The following TPD52 variants were observed in gnomAD, a reference collection of about 807,000 sequenced individuals.
TPD52 encodes the protein prostate and colon associated protein.
Under a neutral mutation model 31.3 loss-of-function variants are expected in TPD52, and 17 were observed. The observed-to-expected ratio is 0.54, with a 90% CI of 0.37 to 0.82. The LOEUF is 0.82. Ranked by LOEUF, TPD52 falls within the 40% of genes least tolerant of loss-of-function variation. TPD52 has a pLI of 0.00. For synonymous variants in TPD52, 83 were observed against 89.6 expected (o/e 0.93, Z 0.42); for missense variants, 212 against 240.1 (o/e 0.88, Z 0.77).
chr8:80,053,391 C>T lies in TPD52; in HGVS notation c.175G>A (p.Ala59Thr). 1 of 1,613,616 alleles carries T rather than the reference C, an allele frequency of 6.2e-7. No homozygotes were observed. Among genetic ancestry groups the T allele is most frequent in the East Asian group, 2.2e-5 (1 of 44,862 alleles). The change falls in exon 3 of 8, where the codon GCA becomes ACA. Residue 59 changes from alanine to threonine, a missense_variant. Coordinates refer to ENST00000518937, the MANE Select transcript of TPD52 (RefSeq NM_001025253.3). ...EIQTLSQVLA[A>T]KEKHLAEIKR... ...ATCTCTGCTAGATGCTTCTCTTTTG[C>T]TGCTAACACTTGAGACAGAGTCTGG...
intron 1 of TPD52, among the ~76,000 whole-genome samples, chr8:80,100,651 G>A (rs560987982): frequency 9.2e-5 from 14 of 152,306 alleles, no homozygotes; most frequent in African/African-American, 2.6e-4. Flanking sequence ...CACAATTATG[G>A]AGGCTAAGTA....
Position 80,104,584 on chromosome 8 carries a change from C to A in TPD52, c.20-39991G>T, listed in dbSNP as rs116599314. 6.5e-3 allele frequency among the ~76,000 whole-genome samples: 956 copies of A among 146,332 alleles called. 8 individuals carry two copies. The highest frequency in any genetic ancestry group is 0.022 in the African/African-American group (866 of 39,770). The stretch of plus-strand genomic sequence containing the variant: ...CTATTTAAAAAAAAAAAAACAACAA[C>A]AAAAAAAACAGAAATGAGAAGTATT... On this transcript the variant is annotated intron_variant, in intron 1 of 7. Coordinates refer to ENST00000518937, the MANE Select transcript of TPD52 (RefSeq NM_001025253.3).
intron 1 of TPD52, among the ~76,000 whole-genome samples, chr8:80,144,557 C>G (rs1437718519): frequency 1.3e-5 from 2 of 152,186 alleles, no homozygotes; most frequent in Non-Finnish European, 2.9e-5. Flanking sequence ...TGAAAGATAA[C>G]AGATAGGTGC....
chr8:80,113,033 C>T (rs551167466), intron 1 of TPD52, among the ~76,000 whole-genome samples: 25 of 152,204 alleles, frequency 1.6e-4, no homozygotes, highest in East Asian at 1.2e-3. Context: ...CAAGTTTTGA[C>T]GGCAACCTGT....
At chr8:80,054,225 T>C (rs1012879060) in intron 2 of TPD52, among the ~76,000 whole-genome samples, 2 of 152,130 alleles carry the variant, frequency 1.3e-5, no homozygotes, top group African/African-American at 2.4e-5. Flanking sequence ...CTGAAAAAAC[T>C]TGAAGAAGCC....
In TPD52 at chr8:80,109,751, A is replaced by G. The variant is rs115403298; in HGVS notation, c.20-45158T>C. On this transcript the variant is annotated intron_variant, in intron 1 of 7. Transcript: ENST00000518937. ...CAAGGATGACTACAGAGAGAAAATTATGTTTCAGAAAGAAACAATAGTACA... is the reference window on the plus strand; with the variant it reads ...CAAGGATGACTACAGAGAGAAAATTGTGTTTCAGAAAGAAACAATAGTACA... Among the ~76,000 whole-genome samples, 824 of 152,334 alleles carry G rather than the reference A, an allele frequency of 5.4e-3. 8 individuals carry two copies. The highest frequency in any genetic ancestry group is 0.019 in the African/African-American group (780 of 41,570).
At chr8:80,041,585 C>T (rs556538914) in intron 7 of TPD52, among the ~76,000 whole-genome samples, 241 of 152,084 alleles carry the variant, frequency 1.6e-3, no homozygotes, top group African/African-American at 5.6e-3. Flanking sequence ...GCCTGTGATC[C>T]TAAGAGTTGA....
At chr8:80,149,726 T>C (rs1009906426) in intron 1 of TPD52, among the ~76,000 whole-genome samples, 3 of 152,232 alleles carry the variant, frequency 2.0e-5, no homozygotes, top group Non-Finnish European at 2.9e-5. Flanking sequence ...ACTCTTGCTG[T>C]GCTTTAGCAA....
chr8:80,033,490 T>C (rs967012058), downstream of TPD52, among the ~76,000 whole-genome samples: 2 of 152,178 alleles, frequency 1.3e-5, no homozygotes, highest in Non-Finnish European at 2.9e-5. Context: ...TATAATGTTA[T>C]AGCAGCTCTG....
At chr8:80,072,417 A>G (rs1813954422) in intron 1 of TPD52, among the ~76,000 whole-genome samples, 1 of 137,814 alleles carries the variant, frequency 7.3e-6, no homozygotes, top group Non-Finnish European at 1.5e-5. Context: ...GCGTGTATAT[A>G]CATGTACACA....
chr8:80,060,507 CT>C (rs2130641589), intron 2 of TPD52, among the ~76,000 whole-genome samples: 1 of 152,198 alleles, frequency 6.6e-6, no homozygotes, highest in African/African-American at 2.4e-5. Flanking sequence ...TCCAACTCAT[CT>C]AAGAAGCCAG....
intron 1 of TPD52, among the ~76,000 whole-genome samples, chr8:80,077,454 G>A (rs1814711665): frequency 6.6e-6 from 1 of 152,080 alleles, no homozygotes. Flanking sequence ...AGATCCAAGT[G>A]GCGTATAAAG....
rs913114698 is a variant in TPD52, at chr8:80,125,566, A to G, written c.19+45859T>C. On this transcript the variant is annotated intron_variant, in intron 1 of 7. Coordinates refer to ENST00000518937, the MANE Select transcript of TPD52 (RefSeq NM_001025253.3). ...CAATTAATTTGGCCTTTTGATTTAA[A>G]AAAAAAAAGAGAGACTACTGCAGTT... is the stretch of plus-strand genomic sequence containing the variant. 5.3e-5 allele frequency among the ~76,000 whole-genome samples: 8 copies of G among 152,180 alleles called. No individual in the cohort carries two copies. In the South Asian group the frequency reaches 1.7e-3, roughly 32 times the overall value.
intron 1 of TPD52, among the ~76,000 whole-genome samples, chr8:80,070,368 G>A (rs1028030506): frequency 3.3e-5 from 5 of 152,082 alleles, no homozygotes; most frequent in South Asian, 2.1e-4. Context: ...ATTCTGAATC[G>A]TTTAAGTCAG....
At chr8:80,043,671 G>GCA (rs1280801564) in intron 6 of TPD52, among the ~76,000 whole-genome samples, 3 of 152,184 alleles carry the variant, frequency 2.0e-5, no homozygotes, top group African/African-American at 7.2e-5. Context: ...TTTAAGCCAA[G>GCA]CACAGATTGT....
intron 6 of TPD52, 64 bp from the exon 7 acceptor site, chr8:80,042,732 A>G: frequency 6.9e-7 from 1 of 1,440,332 alleles, no homozygotes; most frequent in Non-Finnish European, 9.6e-7. Flanking sequence ...AACTAGTTTG[A>G]AAATATAATT....
chr8:80,067,609 T>C (rs1173072082), intron 1 of TPD52, among the ~76,000 whole-genome samples: 1 of 152,134 alleles, frequency 6.6e-6, no homozygotes, highest in Non-Finnish European at 1.5e-5. Context: ...TTAAGCAACT[T>C]GCCCAGGTTA....
At chr8:80,042,577 C>G in intron 7 of TPD52, 43 bp downstream of exon 7, 1 of 1,575,998 alleles carries the variant, frequency 6.3e-7, no homozygotes, top group African/African-American at 1.4e-5. Context: ...AATTAAGACA[C>G]CAGGCAATGT....
At chr8:80,142,912 G>A (rs1809934935) in intron 1 of TPD52, among the ~76,000 whole-genome samples, 1 of 152,180 alleles carries the variant, frequency 6.6e-6, no homozygotes, top group South Asian at 2.1e-4. Context: ...TCATGTGCAT[G>A]TAAGGATGCA....
Sources: allele counts gnomAD v4.1 joint callset (sites outside exome capture counted in the v4.1 genomes callset), GRCh38; gene constraint gnomAD v4.1.1; transcripts MANE v1.5; gene names NCBI Gene and HGNC (gene_info 2026-07-23, HGNC 2026-07-21).